Variants in CMTR1 observed in about 807,000 individuals in gnomAD.
CMTR1 encodes cap methyltransferase 1, also known as cap-specific mRNA (nucleoside-2'-O-)-methyltransferase 1.
A neutral mutation model predicts 107.0 loss-of-function variants in CMTR1; 39 were observed. That is an observed-to-expected ratio of 0.36 (90% CI 0.28 to 0.48). The LOEUF is 0.48. Among genes scored for constraint, CMTR1 ranks in the 20% least tolerant of loss-of-function variants. CMTR1 has a pLI of 0.99. For synonymous variants in CMTR1, 366 were observed against 379.5 expected (o/e 0.96, Z 0.41); for missense variants, 672 against 1,064.9 (o/e 0.63, Z 5.14).
At chr6:37,461,784 G>A (rs964475563) in intron 11 of CMTR1, 139 bp downstream of exon 11, 1 of 837,318 alleles carries the variant, frequency 1.2e-6, no homozygotes, top group African/African-American at 1.7e-5. Flanking sequence ...AGTAATTTAG[G>A]GAAGAAAGGG....
At chr6:37,474,312 C>G (rs1196183518) in intron 17 of CMTR1, among the ~76,000 whole-genome samples, 1 of 152,236 alleles carries the variant, frequency 6.6e-6, no homozygotes, top group Non-Finnish European at 1.5e-5. Context: ...AAGGCTGAGC[C>G]AGATCTCTGC....
intron 2 of CMTR1, among the ~76,000 whole-genome samples, chr6:37,441,776 CAAAAG>C (rs1771682495): frequency 6.6e-6 from 1 of 152,154 alleles, no homozygotes; most frequent in Non-Finnish European, 1.5e-5. Flanking sequence ...AAATGCAAAA[CAAAAG>C]AAATATCAGT....
intron 2 of CMTR1, among the ~76,000 whole-genome samples, chr6:37,439,360 A>T (rs993957582): frequency 6.6e-6 from 1 of 152,142 alleles, no homozygotes; most frequent in African/African-American, 2.4e-5. Context: ...TATGGTCTAG[A>T]CCCTAAGAAA....
chr6:37,474,417 C>T (rs1761692245), intron 17 of CMTR1, 107 bp from the exon 18 acceptor site: 4 of 1,289,436 alleles, frequency 3.1e-6, no homozygotes, highest in Middle Eastern at 1.9e-4. Flanking sequence ...TGACATTTCC[C>T]AGTCCCATCA....
upstream of CMTR1, among the ~76,000 whole-genome samples, chr6:37,430,881 G>A (rs1771353240): frequency 1.3e-5 from 2 of 151,954 alleles, no homozygotes; most frequent in South Asian, 4.2e-4. Flanking sequence ...GGGCGTGGTG[G>A]CGGGCGCCTG....
intron 20 of CMTR1, 51 bp from the exon 21 acceptor site, chr6:37,477,541 G>T: frequency 6.4e-7 from 1 of 1,557,024 alleles, no homozygotes; most frequent in South Asian, 1.1e-5. Context: ...CCTCCTGGAT[G>T]AGAATGTCCC....
At chr6:37,467,541 T>C (rs535852964) in intron 13 of CMTR1, among the ~76,000 whole-genome samples, 2 of 152,354 alleles carry the variant, frequency 1.3e-5, no homozygotes, top group South Asian at 4.1e-4. Context: ...ACTTATTCTG[T>C]TAACTGCTAA....
chr6:37,476,706 C>T (rs1761745051), intron 20 of CMTR1, among the ~76,000 whole-genome samples: 1 of 152,176 alleles, frequency 6.6e-6, no homozygotes, highest in African/African-American at 2.4e-5. Context: ...CAGGAGGAGA[C>T]AGATGGAGGA....
chr6:37,456,876 A>G (rs967929826), intron 8 of CMTR1, among the ~76,000 whole-genome samples: 2 of 152,164 alleles, frequency 1.3e-5, no homozygotes, highest in Non-Finnish European at 2.9e-5. Context: ...TAAGAGAAGT[A>G]TAAACATACA....
At chr6:37,469,647 C>A (rs1006710060) in intron 13 of CMTR1, among the ~76,000 whole-genome samples, 1 of 150,068 alleles carries the variant, frequency 6.7e-6, no homozygotes, top group Admixed American at 6.7e-5. Flanking sequence ...CCTGCCTCAG[C>A]CTCCTGAGTA....
intron 13 of CMTR1, among the ~76,000 whole-genome samples, chr6:37,468,712 C>T (rs909566537): frequency 4.6e-5 from 7 of 151,034 alleles, no homozygotes; most frequent in Non-Finnish European, 7.4e-5. Flanking sequence ...GGTGAAACCC[C>T]GTCTCTACAA....
rs1424774543 is a variant in CMTR1 at position 37,479,141 on chromosome 6, C to T, written c.2267-6C>T. On this transcript the variant is annotated splice_region_variant and splice_polypyrimidine_tract_variant and intron_variant, in intron 22 of 23. Coordinates refer to ENST00000373451, the MANE Select transcript of CMTR1 (RefSeq NM_015050.3). ...TCTGGGCTTCATCCCCTCTTCCTCC[C>T]ATCAGAGCCCTGGACTATGGGATTC... The T allele has an allele frequency of 6.2e-7, 1 of 1,607,744 alleles. No individual in the cohort carries two copies. Among genetic ancestry groups the T allele is most frequent in the Non-Finnish European group, 8.5e-7 (1 of 1,174,268 alleles).
intron 2 of CMTR1, 34 bp downstream of exon 2, chr6:37,435,796 C>G (rs778531409): frequency 6.5e-7 from 1 of 1,549,074 alleles, no homozygotes; most frequent in Admixed American, 2.3e-5. Context: ...GGCCACTGGC[C>G]ATCTGGTTAT....
intron 2 of CMTR1, among the ~76,000 whole-genome samples, chr6:37,438,397 A>G (rs576484761): frequency 6.6e-6 from 1 of 152,248 alleles, no homozygotes; most frequent in Non-Finnish European, 1.5e-5. Flanking sequence ...AAAAAAAAAG[A>G]ATGGAAATCC....
In CMTR1 at chr6:37,443,464, C is replaced by T. The variant is rs970131367; in HGVS notation, c.134-535C>T. On this transcript the variant is annotated intron_variant, in intron 2 of 23. Coordinates refer to ENST00000373451, the MANE Select transcript of CMTR1 (RefSeq NM_015050.3). Reference sequence around the variant, plus strand: ...CTGCCTCCCGGGTTCAAGCAATTCTCCTGCCTCAGCCTCCCAAGTAGCTTG... The same window carrying T: ...CTGCCTCCCGGGTTCAAGCAATTCTTCTGCCTCAGCCTCCCAAGTAGCTTG... Among the ~76,000 whole-genome samples, 4 of 151,924 alleles carry T rather than the reference C, an allele frequency of 2.6e-5. 1 individual carries two copies. Among genetic ancestry groups the T allele is most frequent in the Middle Eastern group, 6.3e-3 (2 of 316 alleles).
intron 4 of CMTR1, among the ~76,000 whole-genome samples, chr6:37,447,555 C>G (rs949319782): frequency 6.6e-6 from 1 of 152,168 alleles, no homozygotes; most frequent in Non-Finnish European, 1.5e-5. Flanking sequence ...CTTCACTAAA[C>G]TCAAAATCTG....
intron 2 of CMTR1, chr6:37,436,350 A>C (rs1325315200): frequency 6.6e-6 from 1 of 152,198 alleles, no homozygotes; most frequent in Non-Finnish European, 1.5e-5. Flanking sequence ...AGGAATGGTA[A>C]AATGTCTGGG....
chr6:37,461,811 G>C, intron 11 of CMTR1, 159 bp from the exon 12 acceptor site: 1 of 902,476 alleles, frequency 1.1e-6, no homozygotes, highest in Non-Finnish European at 1.7e-6. Context: ...AATCCTCAAA[G>C]TCCCCTCCAA....
rs202158220 is a variant in CMTR1, at chr6:37,473,390, A to G, written c.1690-80A>G. 4.7e-4 allele frequency: 713 copies of G among 1,510,456 alleles called. 2 individuals carry two copies. The highest frequency in any genetic ancestry group is 5.3e-4 in the Admixed American group (27 of 51,144). The allele number at this position is 1,510,456 out of a possible 1,614,324, so 93.6% of individuals were successfully genotyped here. Reference sequence around the variant, plus strand: ...ATGCTTCCTGTCCCTTGCCTTGTCGAGCCTGCCCCCAGCCCAGATAGGCAC... The same window carrying G: ...ATGCTTCCTGTCCCTTGCCTTGTCGGGCCTGCCCCCAGCCCAGATAGGCAC... On this transcript the variant is annotated intron_variant, in intron 16 of 23. Coordinates refer to ENST00000373451, the MANE Select transcript of CMTR1 (RefSeq NM_015050.3).
Sources: allele counts gnomAD v4.1 joint callset (sites outside exome capture counted in the v4.1 genomes callset), GRCh38; gene constraint gnomAD v4.1.1; transcripts MANE v1.5; gene names NCBI Gene and HGNC (gene_info 2026-07-23, HGNC 2026-07-21).